Variants in PLCL1 observed in about 807,000 individuals in gnomAD.
PLCL1 encodes the protein inactive phospholipase C-like protein 1.
Under a neutral mutation model 84.4 loss-of-function variants are expected in PLCL1, and 41 were observed. That is an observed-to-expected ratio of 0.49 (90% CI 0.38 to 0.63). The LOEUF (loss-of-function observed/expected upper bound fraction) is 0.63. PLCL1 is among the 30% of genes least tolerant of loss of function. The pLI, the probability that PLCL1 is intolerant of heterozygous loss-of-function variation, is 0.00. For synonymous variants in PLCL1, 490 were observed against 488.3 expected, an observed-to-expected ratio of 1.00 and a Z score of -0.05; for missense variants, 1,206 against 1,367.8, an observed-to-expected ratio of 0.88 and a Z score of 1.87.
At chr2:198,131,403 T>G (rs540371382) in intron 5 of PLCL1, among the ~76,000 whole-genome samples, 4 of 152,328 alleles carry the variant, frequency 2.6e-5, no homozygotes, top group African/African-American at 9.6e-5. Flanking sequence ...CTTTTTTATC[T>G]TTCACGAGAC....
At chr2:197,897,102 CTTCTTCT>C (rs1688151340) in intron 1 of PLCL1, among the ~76,000 whole-genome samples, 1 of 37,532 alleles carries the variant, frequency 2.7e-5, no homozygotes, top group African/African-American at 1.5e-4. Context: ...ATGACTCCTT[CTTCTTCT>C]TCTTCTTCTT....
At chr2:197,997,548 G>T (rs911877531) in intron 1 of PLCL1, among the ~76,000 whole-genome samples, 1 of 152,268 alleles carries the variant, frequency 6.6e-6, no homozygotes, top group Middle Eastern at 3.4e-3. Context: ...CACCCAAAGA[G>T]GCCTTTTCAT....
chr2:197,970,433 G>A (rs1370517941), intron 1 of PLCL1, among the ~76,000 whole-genome samples: 1 of 152,154 alleles, frequency 6.6e-6, no homozygotes, highest in Non-Finnish European at 1.5e-5. Context: ...GAGAGTTTTG[G>A]AGTGAACATT....
At chr2:198,065,883 C>T (rs1324263770) in intron 1 of PLCL1, among the ~76,000 whole-genome samples, 1 of 152,100 alleles carries the variant, frequency 6.6e-6, no homozygotes, top group African/African-American at 2.4e-5. Context: ...AGTTGAATAT[C>T]TCTTTAAGCT....
intron 1 of PLCL1, among the ~76,000 whole-genome samples, chr2:197,837,223 T>C (rs1419546204): frequency 6.6e-6 from 1 of 152,182 alleles, no homozygotes; most frequent in Non-Finnish European, 1.5e-5. Context: ...CTAATTTAAA[T>C]GAGACTCTGG....
chr2:197,976,765 T>A (rs1471512449), intron 1 of PLCL1, among the ~76,000 whole-genome samples: 3 of 152,190 alleles, frequency 2.0e-5, no homozygotes, highest in Admixed American at 1.3e-4. Flanking sequence ...TTATTTCTAA[T>A]TCACTCTTGC....
intron 1 of PLCL1, among the ~76,000 whole-genome samples, chr2:197,964,644 G>A (rs1689691288): frequency 6.6e-6 from 1 of 151,874 alleles, no homozygotes; most frequent in South Asian, 2.1e-4. Flanking sequence ...GGTAAAATGG[G>A]CATCCTTGTC....
chr2:197,814,744 G>T (rs1335680021), intron 1 of PLCL1, among the ~76,000 whole-genome samples: 1 of 152,112 alleles, frequency 6.6e-6, no homozygotes, highest in African/African-American at 2.4e-5. Flanking sequence ...ACTCCAGGAA[G>T]CATATGAATG....
intron 1 of PLCL1, among the ~76,000 whole-genome samples, chr2:197,943,196 CAAAAA>C (rs869096042): frequency 3.8e-5 from 4 of 104,948 alleles, no homozygotes; most frequent in African/African-American, 1.1e-4. Context: ...GACCCTCTCT[CAAAAA>C]AAAAAAAAAA....
At chr2:197,921,186 A>G (rs1339345451) in intron 1 of PLCL1, among the ~76,000 whole-genome samples, 1 of 152,204 alleles carries the variant, frequency 6.6e-6, no homozygotes. Flanking sequence ...AGGGACAGTA[A>G]AAAATACAGT....
intron 3 of PLCL1, among the ~76,000 whole-genome samples, chr2:198,092,182 CCTCACCAGCT>C (rs1693061507): frequency 6.6e-6 from 1 of 151,974 alleles, no homozygotes; most frequent in Non-Finnish European, 1.5e-5. Context: ...CCTCTCCCAA[CCTCACCAGCT>C]TGTCCCAGTC....
intron 1 of PLCL1, among the ~76,000 whole-genome samples, chr2:197,958,832 C>T (rs1689545721): frequency 2.6e-5 from 4 of 151,882 alleles, no homozygotes; most frequent in Admixed American, 2.6e-4. Context: ...TGTCCAAGGC[C>T]ACTCACATAT....
At chr2:198,130,352 A>G (rs1694090681) in intron 5 of PLCL1, among the ~76,000 whole-genome samples, 4 of 152,054 alleles carry the variant, frequency 2.6e-5, no homozygotes, top group Admixed American at 2.6e-4. Context: ...GGTATTTCTT[A>G]GGGTTCTAGC....
intron 1 of PLCL1, among the ~76,000 whole-genome samples, chr2:198,040,443 C>G (rs1691631747): frequency 6.6e-6 from 1 of 152,070 alleles, no homozygotes; most frequent in Non-Finnish European, 1.5e-5. Context: ...TCCCCAAGAC[C>G]TATCATTGGG....
chr2:197,878,576 A>T (rs959549694), intron 1 of PLCL1, among the ~76,000 whole-genome samples: 3 of 152,146 alleles, frequency 2.0e-5, no homozygotes, highest in Non-Finnish European at 4.4e-5. Context: ...CCTCAAGTCA[A>T]TGGGGGATGA....
intron 1 of PLCL1, among the ~76,000 whole-genome samples, chr2:197,991,908 G>A (rs1019502033): frequency 2.0e-5 from 3 of 152,114 alleles, no homozygotes; most frequent in African/African-American, 4.8e-5. Context: ...CTCCCTCACC[G>A]GAGATCGCTC....
At chr2:197,918,971 T>TCTCTCTCTCACACA (rs373512508) in intron 1 of PLCL1, among the ~76,000 whole-genome samples, 123 of 144,648 alleles carry the variant, frequency 8.5e-4, no homozygotes, top group African/African-American at 2.8e-3. Context: ...TCTCTCTCCC[T>TCTCTCTCTCACACA]CACACACACA....
intron 1 of PLCL1, among the ~76,000 whole-genome samples, chr2:198,032,340 A>C (rs1439181538): frequency 6.6e-6 from 1 of 152,218 alleles, no homozygotes; most frequent in Non-Finnish European, 1.5e-5. Context: ...ATAATAAAAA[A>C]AAAACTCCTT....
At chr2:197,945,552 A>G (rs964852032) in intron 1 of PLCL1, among the ~76,000 whole-genome samples, 3 of 152,180 alleles carry the variant, frequency 2.0e-5, no homozygotes, top group African/African-American at 7.2e-5. Flanking sequence ...ACAGGATAAC[A>G]TAGTGGTGAA....
Sources: allele counts gnomAD v4.1 joint callset (sites outside exome capture counted in the v4.1 genomes callset), GRCh38; gene constraint gnomAD v4.1.1; transcripts MANE v1.5; gene names NCBI Gene and HGNC (gene_info 2026-07-23, HGNC 2026-07-21).